Variants in HDAC9 observed in about 807,000 individuals in gnomAD.
The protein encoded by HDAC9 is MEF-2 interacting transcription repressor (MITR) protein.
Under a neutral mutation model 139.4 loss-of-function variants are expected in HDAC9, and 41 were observed. The ratio of observed to expected loss-of-function variants is 0.29; its 90% confidence interval spans 0.23 to 0.38. HDAC9 has a LOEUF of 0.38. Among genes scored for constraint, HDAC9 ranks in the 10% least tolerant of loss-of-function variants. The pLI is 1.00. For synonymous variants in HDAC9, 517 were observed against 476.2 expected (o/e 1.09, Z -1.12); for missense variants, 1,147 against 1,297.0 (o/e 0.88, Z 1.78).
intron 13 of HDAC9, among the ~76,000 whole-genome samples, chr7:18,732,809 A>G (rs1241595161): frequency 6.1e-5 from 5 of 82,530 alleles, no homozygotes; most frequent in Non-Finnish European, 1.1e-4. Flanking sequence ...GCGTATGTGT[A>G]CACACACGTG....
At chr7:18,556,393 G>A (rs1818812188) in intron 2 of HDAC9, among the ~76,000 whole-genome samples, 2 of 152,052 alleles carry the variant, frequency 1.3e-5, no homozygotes, top group Admixed American at 1.3e-4. Flanking sequence ...GGGTGCCCAA[G>A]ATTCAGAAAT....
At chr7:18,618,861 G>A (rs192942033) in intron 6 of HDAC9, among the ~76,000 whole-genome samples, 5 of 150,134 alleles carry the variant, frequency 3.3e-5, no homozygotes, top group Admixed American at 3.3e-4. Context: ...ATAAACACAT[G>A]TATGAATTCA....
intron 2 of HDAC9, among the ~76,000 whole-genome samples, chr7:18,258,356 T>TG (rs1795416217): frequency 2.0e-5 from 3 of 152,280 alleles, no homozygotes; most frequent in Non-Finnish European, 2.9e-5. Flanking sequence ...AGTAGGCTTT[T>TG]GGGGAACCGG....
At chr7:18,536,851 G>A (rs531259128) in intron 2 of HDAC9, among the ~76,000 whole-genome samples, 1 of 152,152 alleles carries the variant, frequency 6.6e-6, no homozygotes, top group Non-Finnish European at 1.5e-5. Flanking sequence ...GTTAGTTATA[G>A]TTACTACTCT....
At chr7:18,240,205 C>T (rs907648235) in intron 2 of HDAC9, among the ~76,000 whole-genome samples, 1 of 152,068 alleles carries the variant, frequency 6.6e-6, no homozygotes, top group African/African-American at 2.4e-5. Context: ...TTAAAACCAC[C>T]ATGGTATTCC....
intron 6 of HDAC9, among the ~76,000 whole-genome samples, chr7:18,624,741 C>T (rs965026437): frequency 2.6e-5 from 4 of 151,650 alleles, no homozygotes; most frequent in Admixed American, 6.6e-5. Context: ...GCCATTAATT[C>T]TTCTGCTTGG....
chr7:18,706,539 A>T (rs1584883635), intron 12 of HDAC9, among the ~76,000 whole-genome samples: 1 of 152,218 alleles, frequency 6.6e-6, no homozygotes, highest in Non-Finnish European at 1.5e-5. Context: ...ACTGGACAGG[A>T]TTCTGGGCAA....
chr7:18,609,347 T>G (rs1836447427), intron 6 of HDAC9, among the ~76,000 whole-genome samples: 1 of 152,176 alleles, frequency 6.6e-6, no homozygotes, highest in Non-Finnish European at 1.5e-5. Flanking sequence ...CATAACTAAT[T>G]TTGTTAACTA....
At chr7:18,587,805 A>G (rs138427115) in intron 3 of HDAC9, among the ~76,000 whole-genome samples, 5 of 152,290 alleles carry the variant, frequency 3.3e-5, no homozygotes, top group South Asian at 2.1e-4. Flanking sequence ...ATTTCTTTCT[A>G]TTGTTTTAAA....
intron 2 of HDAC9, among the ~76,000 whole-genome samples, chr7:18,562,645 A>G (rs1820979351): frequency 6.6e-6 from 1 of 152,092 alleles, no homozygotes; most frequent in Non-Finnish European, 1.5e-5. Context: ...TCTTTGTTGT[A>G]TTATTATAAC....
intron 1 of HDAC9, among the ~76,000 whole-genome samples, chr7:18,300,082 A>G (rs1798434826): frequency 6.6e-6 from 1 of 152,174 alleles, no homozygotes; most frequent in South Asian, 2.1e-4. Flanking sequence ...CTCTAGATCA[A>G]GCTTGTCCAA....
At position 18,724,992 on chromosome 7, in the gene HDAC9, T is replaced by C. The variant is rs147971129; in HGVS notation, c.1732-2588T>C. On this transcript the variant is annotated intron_variant, in intron 12 of 25. Coordinates refer to ENST00000686413, the MANE Select transcript of HDAC9 (RefSeq NM_178425.4). The stretch of plus-strand genomic sequence containing the variant: ...ACACTGTGAAATTTTAAGTGGACCT[T>C]AGAGGATGTGTGTAGTGCTGAATGT... Among the ~76,000 whole-genome samples, 116 of 152,182 alleles carry C rather than the reference T, an allele frequency of 7.6e-4. No homozygotes were observed. In the East Asian group the frequency reaches 0.019, roughly 24 times the overall value.
intron 12 of HDAC9, among the ~76,000 whole-genome samples, chr7:18,673,201 C>G (rs1039091309): frequency 1.3e-5 from 2 of 151,900 alleles, no homozygotes; most frequent in African/African-American, 4.8e-5. Context: ...GATTGTTGAG[C>G]CCACGAGTTT....
At chr7:18,127,334 T>G (rs1784731849) in intron 1 of HDAC9, 1 of 170,330 alleles carries the variant, frequency 5.9e-6, no homozygotes, top group Non-Finnish European at 1.5e-5. Context: ...TATATTTAAG[T>G]GGGTGTCATG....
chr7:18,908,166 A>G (rs1366377554), intron 22 of HDAC9, among the ~76,000 whole-genome samples: 1 of 152,114 alleles, frequency 6.6e-6, no homozygotes, highest in African/African-American at 2.4e-5. Context: ...AGCATAATAT[A>G]GAAGCTCCCA....
At chr7:18,490,334 C>A (rs1384006666) in intron 1 of HDAC9, among the ~76,000 whole-genome samples, 3 of 151,944 alleles carry the variant, frequency 2.0e-5, no homozygotes, top group Non-Finnish European at 4.4e-5. Flanking sequence ...CCTCTGTAAT[C>A]CTCTAAAAAT....
At chr7:18,907,795 G>A (rs567986673) in intron 22 of HDAC9, among the ~76,000 whole-genome samples, 1 of 152,294 alleles carries the variant, frequency 6.6e-6, no homozygotes, top group East Asian at 1.9e-4. Context: ...CATCTTGAGA[G>A]TAATTCTTAG....
At position 18,811,428 on chromosome 7, in the gene HDAC9, C is replaced by T. The variant is rs78867096; in HGVS notation, c.2323-17733C>T. Among the ~76,000 whole-genome samples the T allele has an allele frequency of 8.7e-3, 1,323 of 151,712 alleles. 26 individuals are homozygous for T. Among genetic ancestry groups the T allele is most frequent in the African/African-American group, 0.03 (1,263 of 41,478 alleles). Reference sequence around the variant, plus strand: ...CTTTATCTACATTCTGTAAATTTTGCTATGTTATATTTTCATTTTCACTTG... The same window carrying T: ...CTTTATCTACATTCTGTAAATTTTGTTATGTTATATTTTCATTTTCACTTG... On this transcript the variant is annotated intron_variant, in intron 17 of 25. Transcript: ENST00000686413.
chr7:18,716,609 A>G (rs1009740156), intron 12 of HDAC9, among the ~76,000 whole-genome samples: 4 of 150,166 alleles, frequency 2.7e-5, no homozygotes, highest in Non-Finnish European at 5.9e-5. Context: ...TGGAACCTTT[A>G]TGTCTGAGGA....
Sources: gnomAD v4.1 joint callset for allele counts (sites outside exome capture counted in the v4.1 genomes callset) on GRCh38, gnomAD v4.1.1 for gene constraint, MANE v1.5 for transcripts, NCBI Gene and HGNC (gene_info 2026-07-23, HGNC 2026-07-21) for gene names.